The following TBC1D19 variants were observed in gnomAD, a reference collection of about 807,000 sequenced individuals.
TBC1D19 encodes the protein TBC1 domain family, member 19.
In TBC1D19, 60 loss-of-function variants were observed where a neutral mutation model predicts 89.0. That is an observed-to-expected ratio of 0.67 (90% CI 0.55 to 0.84). The LOEUF (loss-of-function observed/expected upper bound fraction) is 0.84. Ranked by LOEUF, TBC1D19 falls within the 40% of genes least tolerant of loss-of-function variation. The pLI is 0.00. For missense variants in TBC1D19, 500 were observed against 610.8 expected (o/e 0.82, Z 1.91); for synonymous variants, 189 against 199.7 (o/e 0.95, Z 0.45).
At chr4:26,771,514 C>T in the TBC1D19 span, among the ~76,000 whole-genome samples, 123 of 152,284 alleles carry the variant, frequency 8.1e-4, no homozygotes, top group Middle Eastern at 0.01. Flanking sequence ...ATCCTGCCAT[C>T]TATGACATGA....
chr4:26,734,962 GTATATATGTATACACATATGTATA>G (rs1293155823), intron 15 of TBC1D19, among the ~76,000 whole-genome samples: 45 of 149,738 alleles, frequency 3.0e-4, no homozygotes, highest in African/African-American at 9.6e-4. Context: ...ATATGTATAT[GTATATATGTATACACATATGTATA>G]TGTATATATG....
the TBC1D19 span, among the ~76,000 whole-genome samples, chr4:26,857,276 G>C: frequency 9.2e-5 from 14 of 152,282 alleles, no homozygotes; most frequent in African/African-American, 3.4e-4. Flanking sequence ...CGTTTGTCGA[G>C]AGTCAGCGGG....
chr4:26,755,044 A>G lies in TBC1D19; in HGVS notation c.*97A>G, dbSNP rs748909619. ...ATAAAACCAAAATGAAACTTTGCAT[A>G]TAAGCCAATAAAGATCATGTTCCCT... On this transcript the variant is annotated 3_prime_UTR_variant, in exon 21 of 21. Coordinates refer to ENST00000264866, the MANE Select transcript of TBC1D19 (RefSeq NM_018317.4). 2.0e-5 allele frequency: 22 copies of G among 1,075,928 alleles called. No individual in the cohort carries two copies. The highest frequency in any genetic ancestry group is 2.6e-5 in the Non-Finnish European group (20 of 761,106). The allele number at this position is 1,075,928 out of a possible 1,614,324, so 66.6% of individuals were successfully genotyped here.
At chr4:26,686,040 A>T (rs780858110) in intron 12 of TBC1D19, among the ~76,000 whole-genome samples, 10 of 152,058 alleles carry the variant, frequency 6.6e-5, no homozygotes, top group Non-Finnish European at 1.5e-4. Flanking sequence ...TTTTAGGAAG[A>T]TATCTGTCTC....
the TBC1D19 span, among the ~76,000 whole-genome samples, chr4:26,826,910 T>A: frequency 3.3e-5 from 5 of 152,150 alleles, no homozygotes; most frequent in Non-Finnish European, 5.9e-5. Context: ...GGAAAGAACC[T>A]CCCAGCCGTG....
At chr4:26,659,533 T>C in intron 7 of TBC1D19, 64 bp from the exon 8 acceptor site, 3 of 1,044,082 alleles carry the variant, frequency 2.9e-6, no homozygotes, top group Non-Finnish European at 4.3e-6. Context: ...ATATCCCTGC[T>C]AATTTTATAA....
chr4:26,675,460 A>C (rs564646238), intron 11 of TBC1D19, among the ~76,000 whole-genome samples: 1 of 152,082 alleles, frequency 6.6e-6, no homozygotes, highest in African/African-American at 2.4e-5. Context: ...TGAGTTTTCT[A>C]ATTGCAAAGT....
At chr4:26,616,915 A>AT (rs1349512568) in intron 3 of TBC1D19, among the ~76,000 whole-genome samples, 1 of 152,214 alleles carries the variant, frequency 6.6e-6, no homozygotes, top group African/African-American at 2.4e-5. Context: ...TGCTTATTTT[A>AT]TGCCAACACT....
At chr4:26,644,214 G>C (rs567757288) in intron 7 of TBC1D19, among the ~76,000 whole-genome samples, 1 of 152,160 alleles carries the variant, frequency 6.6e-6, no homozygotes, top group Admixed American at 6.5e-5. Context: ...ATATCAAAAA[G>C]CTTATCCACC....
At chr4:26,810,121 C>T in the TBC1D19 span, among the ~76,000 whole-genome samples, 3 of 152,162 alleles carry the variant, frequency 2.0e-5, no homozygotes, top group African/African-American at 7.2e-5. Flanking sequence ...GCTCCTCCAC[C>T]CTTGAGTAGG....
At chr4:26,730,403 T>C (rs1055502996) in intron 15 of TBC1D19, among the ~76,000 whole-genome samples, 4 of 152,214 alleles carry the variant, frequency 2.6e-5, no homozygotes, top group Non-Finnish European at 5.9e-5. Context: ...GCTAATCATA[T>C]TGCATATATT....
chr4:26,606,111 G>A (rs1740982806), intron 1 of TBC1D19, among the ~76,000 whole-genome samples: 1 of 152,138 alleles, frequency 6.6e-6, no homozygotes, highest in South Asian at 2.1e-4. Context: ...AGCCTCCCCA[G>A]TAGCTGGGAT....
chr4:26,773,235 A>G, the TBC1D19 span, among the ~76,000 whole-genome samples: 1 of 152,078 alleles, frequency 6.6e-6, no homozygotes, highest in Non-Finnish European at 1.5e-5. Context: ...GCTTTATTTC[A>G]TATGTTTGTT....
chr4:26,710,718 C>G (rs529533847), intron 13 of TBC1D19, among the ~76,000 whole-genome samples: 1 of 152,308 alleles, frequency 6.6e-6, no homozygotes, highest in African/African-American at 2.4e-5. Flanking sequence ...TAATGATCCT[C>G]ATTCTAACTG....
chr4:26,628,696 G>A (rs1310134506), intron 4 of TBC1D19, among the ~76,000 whole-genome samples: 8 of 151,990 alleles, frequency 5.3e-5, no homozygotes, highest in African/African-American at 1.2e-4. Context: ...AAAATCACAA[G>A]CATTCTTATA....
intron 7 of TBC1D19, among the ~76,000 whole-genome samples, chr4:26,643,474 G>A (rs1344756650): frequency 2.0e-5 from 3 of 152,094 alleles, no homozygotes; most frequent in African/African-American, 7.2e-5. Context: ...AGAGAAAGCA[G>A]GAAAGATCTA....
chr4:26,848,797 C>G, the TBC1D19 span, among the ~76,000 whole-genome samples: 7 of 152,204 alleles, frequency 4.6e-5, no homozygotes, highest in Non-Finnish European at 1.0e-4. Context: ...TTTCTTTCAT[C>G]TGTCTAATCA....
At chr4:26,814,894 C>T in the TBC1D19 span, among the ~76,000 whole-genome samples, 21 of 152,066 alleles carry the variant, frequency 1.4e-4, no homozygotes, top group African/African-American at 3.4e-4. Flanking sequence ...TCGTGGCACG[C>T]GCCTGTTGTC....
intron 4 of TBC1D19, among the ~76,000 whole-genome samples, chr4:26,633,755 A>T (rs900156366): frequency 6.6e-6 from 1 of 151,818 alleles, no homozygotes; most frequent in Admixed American, 6.6e-5. Context: ...TGCATTAAAA[A>T]CCCGTTCAGC....
Sources: gnomAD v4.1 joint callset for allele counts (sites outside exome capture counted in the v4.1 genomes callset) on GRCh38, gnomAD v4.1.1 for gene constraint, MANE v1.5 for transcripts, NCBI Gene and HGNC (gene_info 2026-07-23, HGNC 2026-07-21) for gene names.